The following SPHKAP variants were observed in gnomAD, a reference collection of about 807,000 sequenced individuals.
The protein encoded by SPHKAP is A-kinase anchor protein SPHKAP.
In SPHKAP, 67 loss-of-function variants were observed where a neutral mutation model predicts 137.5. That is an observed-to-expected ratio of 0.49 (90% CI 0.40 to 0.60). The LOEUF (loss-of-function observed/expected upper bound fraction) is 0.60. SPHKAP is among the 20% of genes least tolerant of loss of function. The pLI, the probability that SPHKAP is intolerant of heterozygous loss-of-function variation, is 0.00. For missense variants in SPHKAP, 2,097 were observed against 2,069.3 expected (o/e 1.01, Z -0.26); for synonymous variants, 813 against 785.3 (o/e 1.04, Z -0.59).
chr2:228,013,797 A>G (rs993832828), intron 7 of SPHKAP, among the ~76,000 whole-genome samples: 2 of 152,166 alleles, frequency 1.3e-5, no homozygotes, highest in Non-Finnish European at 2.9e-5. Context: ...AGTGAAATCC[A>G]TGTTCTTTAA....
intron 1 of SPHKAP, among the ~76,000 whole-genome samples, chr2:228,158,944 G>T (rs1282478953): frequency 6.6e-6 from 1 of 152,122 alleles, no homozygotes; most frequent in Non-Finnish European, 1.5e-5. Context: ...AATATGTCTT[G>T]CATTCCGTCC....
At chr2:228,136,398 GCTTT>G (rs749186087) in intron 1 of SPHKAP, among the ~76,000 whole-genome samples, 44 of 152,266 alleles carry the variant, frequency 2.9e-4, no homozygotes, top group Admixed American at 1.4e-3. Flanking sequence ...CCATAAAGCA[GCTTT>G]CTTTATAGAA....
chr2:228,073,457 T>C (rs1697067613), intron 3 of SPHKAP, among the ~76,000 whole-genome samples: 1 of 152,150 alleles, frequency 6.6e-6, no homozygotes, highest in Non-Finnish European at 1.5e-5. Context: ...AGGTAGGGGA[T>C]AGAAGATGGA....
chr2:228,062,390 G>T (rs1158422690), intron 3 of SPHKAP, among the ~76,000 whole-genome samples: 1 of 151,656 alleles, frequency 6.6e-6, no homozygotes, highest in East Asian at 1.9e-4. Flanking sequence ...CTCCCAAAGT[G>T]CTGGGATTAC....
intron 1 of SPHKAP, among the ~76,000 whole-genome samples, chr2:228,143,664 C>CTTTTTT (rs35440451): frequency 9.2e-5 from 9 of 97,436 alleles, no homozygotes; most frequent in South Asian, 7.6e-4. Context: ...AAACACCTGG[C>CTTTTTT]TTTTTTTTTT....
intron 5 of SPHKAP, among the ~76,000 whole-genome samples, chr2:228,023,940 T>C (rs1694935398): frequency 6.6e-6 from 1 of 152,068 alleles, no homozygotes; most frequent in Admixed American, 6.6e-5. Context: ...GAAAACCACC[T>C]GGAAATGACG....
chr2:228,092,691 GTA>G lies in SPHKAP; in HGVS notation c.246+16139_246+16140del, dbSNP rs560664466. On this transcript the variant is annotated intron_variant, in intron 3 of 11. Transcript: ENST00000392056. Reference sequence around the variant, plus strand: ...ATATACATGTGCCATGTATATACGTGTATATATATATGTATATATATAACACT... The same window carrying G: ...ATATACATGTGCCATGTATATACGTGTATATATATGTATATATATAACACT... Among the ~76,000 whole-genome samples, 48 of 147,456 alleles carry G rather than the reference GTA, an allele frequency of 3.3e-4. No homozygotes were observed. In the South Asian group the frequency reaches 4.9e-3, roughly 15 times the overall value.
intron 3 of SPHKAP, among the ~76,000 whole-genome samples, chr2:228,092,603 CAT>C (rs1195595095): frequency 7.1e-6 from 1 of 141,326 alleles, no homozygotes; most frequent in Admixed American, 7.2e-5. Flanking sequence ...TATGTATATA[CAT>C]ATATATGTGC....
At chr2:228,116,575 A>G (rs916404132) in intron 2 of SPHKAP, among the ~76,000 whole-genome samples, 4 of 152,154 alleles carry the variant, frequency 2.6e-5, no homozygotes, top group Non-Finnish European at 4.4e-5. Flanking sequence ...TTTAACTTCA[A>G]TTGACTAACT....
chr2:228,085,549 T>A (rs538518738), intron 3 of SPHKAP, among the ~76,000 whole-genome samples: 1 of 152,370 alleles, frequency 6.6e-6, no homozygotes, highest in African/African-American at 2.4e-5. Context: ...ACAATTCTCC[T>A]TTAATGTCTA....
At chr2:228,095,637 A>G (rs542987320) in intron 3 of SPHKAP, among the ~76,000 whole-genome samples, 1 of 152,280 alleles carries the variant, frequency 6.6e-6, no homozygotes, top group Non-Finnish European at 1.5e-5. Flanking sequence ...GAGATAGTAT[A>G]CTTTTTAATT....
At chr2:228,100,006 C>T (rs567978230) in intron 3 of SPHKAP, among the ~76,000 whole-genome samples, 31 of 152,208 alleles carry the variant, frequency 2.0e-4, no homozygotes, top group African/African-American at 6.0e-4. Context: ...CCCGCCATCA[C>T]GCCTGGCTAA....
At position 228,002,921 on chromosome 2, in the gene SPHKAP, G is replaced by A. The variant is rs140806261; in HGVS notation, c.4449-7227C>T. 1.4e-3 allele frequency among the ~76,000 whole-genome samples: 206 copies of A among 152,194 alleles called. 4 individuals are homozygous for A. In the South Asian group the frequency reaches 0.02, roughly 15 times the overall value. On this transcript the variant is annotated intron_variant, in intron 7 of 11. Coordinates refer to ENST00000392056, the MANE Select transcript of SPHKAP (RefSeq NM_001142644.2). ...CTGAGGGCTCTGTTCTGTTCCATTC[G>A]TCTATACCTCTGTTTTGGTACCAGT... is the stretch of plus-strand genomic sequence containing the variant.
intron 11 of SPHKAP, among the ~76,000 whole-genome samples, chr2:227,982,593 T>C (rs566708160): frequency 1.3e-5 from 2 of 152,318 alleles, no homozygotes; most frequent in African/African-American, 4.8e-5. Context: ...TGTGAAGGAC[T>C]CTCTAACTCC....
At chr2:228,058,458 C>G (rs1408125600) in intron 3 of SPHKAP, among the ~76,000 whole-genome samples, 1 of 152,144 alleles carries the variant, frequency 6.6e-6, no homozygotes, top group Admixed American at 6.5e-5. Flanking sequence ...CTTGTCAACC[C>G]TGCACCTTAA....
At chr2:228,117,996 G>T (rs142430136) in intron 2 of SPHKAP, among the ~76,000 whole-genome samples, 28 of 151,764 alleles carry the variant, frequency 1.8e-4, no homozygotes, top group African/African-American at 6.5e-4. Context: ...CTAATTTATT[G>T]ATCTGATTTG....
At chr2:228,096,855 T>A (rs1322111447) in intron 3 of SPHKAP, among the ~76,000 whole-genome samples, 5 of 152,138 alleles carry the variant, frequency 3.3e-5, no homozygotes, top group African/African-American at 4.8e-5. Context: ...TGTCTTATTT[T>A]TACAAAAGAA....
At chr2:228,154,028 C>G (rs966467164) in intron 1 of SPHKAP, among the ~76,000 whole-genome samples, 1 of 152,038 alleles carries the variant, frequency 6.6e-6, no homozygotes, top group African/African-American at 2.4e-5. Flanking sequence ...TTTGATGACT[C>G]CTCACTCTCG....
intron 2 of SPHKAP, among the ~76,000 whole-genome samples, chr2:228,129,630 A>G (rs1448159868): frequency 2.6e-5 from 4 of 152,030 alleles, no homozygotes; most frequent in Non-Finnish European, 1.5e-5. Flanking sequence ...TATTCCAGAA[A>G]TAATTGTGAA....
Sources: allele counts gnomAD v4.1 joint callset (sites outside exome capture counted in the v4.1 genomes callset), GRCh38; gene constraint gnomAD v4.1.1; transcripts MANE v1.5; gene names NCBI Gene and HGNC (gene_info 2026-07-23, HGNC 2026-07-21).